SLC10A7: variants seen among roughly 807,000 people sequenced by gnomAD.
The protein encoded by SLC10A7 is solute carrier family 10 member 7.
Under a neutral mutation model 43.2 loss-of-function variants are expected in SLC10A7, and 29 were observed. That is an observed-to-expected ratio of 0.67 (90% CI 0.50 to 0.92). The LOEUF (loss-of-function observed/expected upper bound fraction) is 0.92. Ranked by LOEUF, SLC10A7 falls within the 40% of genes least tolerant of loss-of-function variation. SLC10A7 has a pLI of 0.00. For missense variants in SLC10A7, 295 were observed against 403.2 expected, an observed-to-expected ratio of 0.73 and a Z score of 2.30; for synonymous variants, 152 against 144.8, an observed-to-expected ratio of 1.05 and a Z score of -0.35.
At chr4:146,405,956 A>C (rs1727650127) in intron 5 of SLC10A7, among the ~76,000 whole-genome samples, 1 of 152,140 alleles carries the variant, frequency 6.6e-6, no homozygotes, top group South Asian at 2.1e-4. Context: ...TTGGAGAAAA[A>C]AGGATATCTT....
intron 5 of SLC10A7, among the ~76,000 whole-genome samples, chr4:146,424,727 A>G (rs1300166667): frequency 1.3e-5 from 2 of 152,018 alleles, no homozygotes; most frequent in Admixed American, 1.3e-4. Context: ...TAAATATAAA[A>G]CCATATTTGA....
At chr4:146,462,360 A>C (rs1222850545) in intron 4 of SLC10A7, among the ~76,000 whole-genome samples, 2 of 152,132 alleles carry the variant, frequency 1.3e-5, no homozygotes, top group Non-Finnish European at 2.9e-5. Flanking sequence ...ATGGAAATAA[A>C]TATTAGAAAA....
At chr4:146,406,423 C>T (rs943627669) in intron 5 of SLC10A7, among the ~76,000 whole-genome samples, 15 of 152,120 alleles carry the variant, frequency 9.9e-5, no homozygotes, top group Admixed American at 6.5e-4. Flanking sequence ...AGCTTAGGCA[C>T]TCCATCTATT....
At position 146,517,061 on chromosome 4, in the gene SLC10A7, T is replaced by C. The variant is rs775473288; in HGVS notation, c.160A>G (p.Ser54Gly). The change falls in exon 2 of 12, where the codon AGT (serine) becomes GGT (glycine). Residue 54 changes from serine to glycine, a missense_variant. Ser to Gly is a moderately conservative substitution (Grantham distance 56, BLOSUM62 0). This residue lies in a region of SLC10A7 where 242 missense variants were observed against 362.5 expected (regional missense o/e 0.67). Transcript: ENST00000335472. Reference sequence around the variant, plus strand: ...ACCTCTGTTTTCAATGATAGTCCACTGTTAAAGAATATTGTTGCAACAGCA... The same window carrying C: ...ACCTCTGTTTTCAATGATAGTCCACCGTTAAAGAATATTGTTGCAACAGCA... ...YIAVATIFFN[S>G]GLSLKTEELT... The C allele has an allele frequency of 3.1e-6, 5 of 1,609,198 alleles. No individual in the cohort carries two copies. The East Asian group carries it at 6.7e-5, about 22-fold the overall frequency.
At chr4:146,311,760 A>G (rs527384518) in intron 6 of SLC10A7, among the ~76,000 whole-genome samples, 1 of 152,114 alleles carries the variant, frequency 6.6e-6, no homozygotes, top group Non-Finnish European at 1.5e-5. Flanking sequence ...GGAAAGGGAA[A>G]GGGAAGAAGG....
At chr4:146,502,993 A>G (rs946543714) in intron 4 of SLC10A7, among the ~76,000 whole-genome samples, 7 of 152,236 alleles carry the variant, frequency 4.6e-5, no homozygotes, top group African/African-American at 1.4e-4. Flanking sequence ...CACATATGTC[A>G]AAACATTAAA....
chr4:146,409,053 A>G (rs1727943430), intron 5 of SLC10A7, among the ~76,000 whole-genome samples: 1 of 152,160 alleles, frequency 6.6e-6, no homozygotes, highest in Non-Finnish European at 1.5e-5. Context: ...GGGAACAAAT[A>G]TATTTCAGAT....
At chr4:146,437,321 A>G (rs755990191) in intron 5 of SLC10A7, among the ~76,000 whole-genome samples, 2 of 152,206 alleles carry the variant, frequency 1.3e-5, no homozygotes, top group South Asian at 4.1e-4. Flanking sequence ...GCAAAGGTGG[A>G]AACCAACTTC....
chr4:146,512,975 A>AT (rs1268104991), intron 2 of SLC10A7, among the ~76,000 whole-genome samples: 3 of 152,268 alleles, frequency 2.0e-5, no homozygotes, highest in African/African-American at 4.8e-5. Flanking sequence ...TACAAGACAC[A>AT]TTTTTTAAGT....
chr4:146,505,964 A>C (rs1188575002), intron 3 of SLC10A7, among the ~76,000 whole-genome samples: 1 of 152,170 alleles, frequency 6.6e-6, no homozygotes, highest in Non-Finnish European at 1.5e-5. Context: ...TCACAAAGCC[A>C]CCTATCTGGG....
chr4:146,422,020 T>C (rs1340298811), intron 5 of SLC10A7, among the ~76,000 whole-genome samples: 1 of 152,222 alleles, frequency 6.6e-6, no homozygotes, highest in Non-Finnish European at 1.5e-5. Context: ...AAACAGAAAT[T>C]GTATCTTATA....
chr4:146,440,863 C>T (rs1730544340), intron 5 of SLC10A7, among the ~76,000 whole-genome samples: 1 of 152,180 alleles, frequency 6.6e-6, no homozygotes, highest in Admixed American at 6.5e-5. Flanking sequence ...TTCCTCTCCT[C>T]TCTCCTTTAC....
At chr4:146,467,469 A>AGTTT (rs1733133634) in intron 4 of SLC10A7, among the ~76,000 whole-genome samples, 1 of 144,524 alleles carries the variant, frequency 6.9e-6, no homozygotes, top group African/African-American at 2.8e-5. Context: ...ACACACACAC[A>AGTTT]CACACACACA....
chr4:146,400,520 ATTAC>A, intron 5 of SLC10A7, among the ~76,000 whole-genome samples: 1 of 152,266 alleles, frequency 6.6e-6, no homozygotes, highest in South Asian at 2.1e-4. Context: ...AGGATCTCGA[ATTAC>A]TTACTGAGTG....
intron 4 of SLC10A7, among the ~76,000 whole-genome samples, chr4:146,492,019 C>G (rs1008863092): frequency 6.6e-6 from 1 of 152,048 alleles, no homozygotes; most frequent in Admixed American, 6.5e-5. Flanking sequence ...AGATTGAGAC[C>G]ATCCTGGCTA....
intron 4 of SLC10A7, among the ~76,000 whole-genome samples, chr4:146,501,140 T>C (rs1422254530): frequency 1.3e-5 from 2 of 152,186 alleles, no homozygotes; most frequent in African/African-American, 4.8e-5. Context: ...TCTTCTCTTT[T>C]ATATCTATGC....
At chr4:146,454,262 TAATC>T (rs1028598592) in intron 4 of SLC10A7, among the ~76,000 whole-genome samples, 6 of 151,942 alleles carry the variant, frequency 3.9e-5, no homozygotes, top group African/African-American at 7.2e-5. Flanking sequence ...AAATTAAACT[TAATC>T]AAACATTTTG....
chr4:146,500,854 G>C (rs1402920129), intron 4 of SLC10A7, among the ~76,000 whole-genome samples: 1 of 152,018 alleles, frequency 6.6e-6, no homozygotes, highest in Non-Finnish European at 1.5e-5. Flanking sequence ...AAACCACTGT[G>C]GTCAGGCTGC....
At chr4:146,332,057 T>A (rs897041635) in intron 5 of SLC10A7, among the ~76,000 whole-genome samples, 1 of 152,114 alleles carries the variant, frequency 6.6e-6, no homozygotes, top group Non-Finnish European at 1.5e-5. Flanking sequence ...GGAAGGGTAG[T>A]TAGAAAGAAA....
Sources: allele counts gnomAD v4.1 joint callset (sites outside exome capture counted in the v4.1 genomes callset), GRCh38; gene constraint gnomAD v4.1.1; regional missense constraint gnomAD v4.1.1; transcripts MANE v1.5; gene names NCBI Gene and HGNC (gene_info 2026-07-23, HGNC 2026-07-21).